Variants in CACNA1D observed in about 807,000 individuals in gnomAD.
CACNA1D encodes calcium voltage-gated channel subunit alpha1 D.
CACNA1D carries 55 observed loss-of-function variants against 257.1 expected under a neutral mutation model. The ratio of observed to expected loss-of-function variants is 0.21; its 90% CI spans 0.17 to 0.27. CACNA1D has a LOEUF of 0.27. CACNA1D is among the 10% of genes least tolerant of loss of function. CACNA1D has a pLI of 1.00. For missense variants in CACNA1D, 1,876 were observed against 2,784.0 expected (o/e 0.67, Z 7.34); for synonymous variants, 980 against 1,014.9 (o/e 0.97, Z 0.65).
intron 3 of CACNA1D, among the ~76,000 whole-genome samples, chr3:53,519,433 C>CT (rs1355682576): frequency 6.6e-6 from 1 of 152,070 alleles, no homozygotes; most frequent in African/African-American, 2.4e-5. Context: ...CTGTGCGAGA[C>CT]GACAAAGACT....
At chr3:53,674,118 TC>T (rs533605896) in intron 8 of CACNA1D, 1 of 500,726 alleles carries the variant, frequency 2.0e-6, no homozygotes, top group South Asian at 2.1e-5. Context: ...AGCCTTGGTC[TC>T]CCCCAGGAAA....
At chr3:53,575,725 G>A (rs193261196) in intron 3 of CACNA1D, among the ~76,000 whole-genome samples, 2 of 152,184 alleles carry the variant, frequency 1.3e-5, no homozygotes, top group East Asian at 1.9e-4. Context: ...TAATGTATTC[G>A]GGTAGATTTT....
chr3:53,602,418 G>A (rs2093455392), intron 3 of CACNA1D, among the ~76,000 whole-genome samples: 1 of 152,136 alleles, frequency 6.6e-6, no homozygotes, highest in African/African-American at 2.4e-5. Context: ...AATAAACATG[G>A]GAATTTAGAT....
At chr3:53,729,750 T>G (rs2094971066) in intron 15 of CACNA1D, among the ~76,000 whole-genome samples, 1 of 152,234 alleles carries the variant, frequency 6.6e-6, no homozygotes, top group Admixed American at 6.5e-5. Flanking sequence ...CAATTTGTCC[T>G]GGGCTGGAGA....
At chr3:53,612,766 C>G (rs914648599) in intron 3 of CACNA1D, among the ~76,000 whole-genome samples, 1 of 152,136 alleles carries the variant, frequency 6.6e-6, no homozygotes, top group East Asian at 1.9e-4. Flanking sequence ...AATGAACCTC[C>G]AGGCAGAAAG....
At chr3:53,505,150 C>T (rs1216732060) in intron 3 of CACNA1D, among the ~76,000 whole-genome samples, 1 of 141,536 alleles carries the variant, frequency 7.1e-6, no homozygotes, top group African/African-American at 2.7e-5. Flanking sequence ...GCTCTGTTGC[C>T]CAGGCTGGAG....
rs1016289022 is a variant in CACNA1D at position 53,723,332 on chromosome 3, G to A, written c.1667-102G>A. On this transcript the variant is annotated intron_variant, in intron 12 of 47. Transcript: ENST00000350061. The surrounding 1 kb of genome is among the most constrained non-coding windows in gnomAD (Gnocchi z 5.6). ...GTGAAGAGAGAGACAAGGTATTGGC[G>A]TATTTCCTGTGGGGCCTGATAGGGA... 2.2e-5 allele frequency: 19 copies of A among 846,348 alleles called. No homozygotes were observed. Among genetic ancestry groups the A allele is most frequent in the Middle Eastern group, 2.4e-4 (1 of 4,144 alleles). The allele number at this position is 846,348 out of a possible 1,614,324, so 52.4% of individuals were successfully genotyped here.
chr3:53,764,252 T>A (rs2095319770), intron 30 of CACNA1D, among the ~76,000 whole-genome samples: 1 of 152,184 alleles, frequency 6.6e-6, no homozygotes, highest in African/African-American at 2.4e-5. Flanking sequence ...GAACAGCAGG[T>A]CCCTAACTGG....
intron 3 of CACNA1D, among the ~76,000 whole-genome samples, chr3:53,586,548 A>G (rs2093221001): frequency 1.3e-5 from 2 of 152,186 alleles, no homozygotes; most frequent in Admixed American, 1.3e-4. Flanking sequence ...CCCATGGTCC[A>G]CAAAAATATT....
chr3:53,732,705 C>A, intron 18 of CACNA1D, 110 bp from the exon 19 acceptor site: 1 of 951,376 alleles, frequency 1.1e-6, no homozygotes, highest in East Asian at 2.4e-5. Context: ...TTCATGTAAG[C>A]AGGTAGATGT....
chr3:53,713,916 A>G (rs60757638), intron 9 of CACNA1D, among the ~76,000 whole-genome samples: 3,305 of 152,218 alleles, frequency 0.022, 116 homozygotes, highest in African/African-American at 0.074. Flanking sequence ...ATCTCAGTGC[A>G]CCACACTGTA....
In CACNA1D at chr3:53,589,904, C is replaced by T. The variant is rs185896603; in HGVS notation, c.484-60875C>T. Among the ~76,000 whole-genome samples, 5 of 152,330 alleles carry T rather than the reference C, an allele frequency of 3.3e-5. No individual in the cohort carries two copies. The East Asian group carries it at 9.6e-4, about 29-fold the overall frequency. The stretch of plus-strand genomic sequence containing the variant: ...CTCATGGTTTGGGTGGCTGTTTCAG[C>T]TCCTGAACCTCTAACTTAGTGTGCT... On this transcript the variant is annotated intron_variant, in intron 3 of 47. Transcript: ENST00000350061.
intron 3 of CACNA1D, among the ~76,000 whole-genome samples, chr3:53,589,148 G>A (rs2093265243): frequency 6.6e-6 from 1 of 152,068 alleles, no homozygotes; most frequent in Admixed American, 6.6e-5. Context: ...TTCATGTCTT[G>A]TATTTCATTA....
In CACNA1D at chr3:53,810,758, CAAAAAAAAAAAA is replaced by C. The variant is rs71074934; in HGVS notation, c.6193-338_6193-327del. Among the ~76,000 whole-genome samples, 848 of 68,308 alleles carry C rather than the reference CAAAAAAAAAAAA, an allele frequency of 0.012. 41 individuals are homozygous for C. In the Admixed American group the frequency reaches 0.13, roughly 10 times the overall value. 44.8% of individuals were successfully genotyped at this position (68,308 alleles called of 152,430 possible). ...GGGCCACAGAGCGAGACTCTTGTCT[CAAAAAAAAAAAA>C]AAAAAAAAAAAAAAAACAAAAACTG... On this transcript the variant is annotated intron_variant, in intron 47 of 47. Transcript: ENST00000350061.
At chr3:53,757,662 C>A (rs1044545913) in intron 29 of CACNA1D, among the ~76,000 whole-genome samples, 1 of 152,224 alleles carries the variant, frequency 6.6e-6, no homozygotes, top group East Asian at 1.9e-4. Context: ...GAAGCACTGG[C>A]CCCTGTATAT....
At chr3:53,580,759 C>T (rs76914681) in intron 3 of CACNA1D, among the ~76,000 whole-genome samples, 1 of 152,148 alleles carries the variant, frequency 6.6e-6, no homozygotes, top group Non-Finnish European at 1.5e-5. Flanking sequence ...TGGGATACAC[C>T]TGTCTTTCTT....
chr3:53,734,418 G>A (rs934676872), intron 19 of CACNA1D, among the ~76,000 whole-genome samples: 2 of 151,542 alleles, frequency 1.3e-5, no homozygotes, highest in Non-Finnish European at 2.9e-5. Context: ...AAATATATGT[G>A]TATACATATA....
chr3:53,663,618 G>A (rs2094228299), intron 5 of CACNA1D, among the ~76,000 whole-genome samples: 1 of 152,096 alleles, frequency 6.6e-6, no homozygotes, highest in African/African-American at 2.4e-5. Flanking sequence ...CTGGCACTGA[G>A]TATGACTCCA....
chr3:53,760,839 T>C (rs1222490854), intron 29 of CACNA1D, among the ~76,000 whole-genome samples: 1 of 152,210 alleles, frequency 6.6e-6, no homozygotes, highest in Non-Finnish European at 1.5e-5. Flanking sequence ...ACATTGCCCA[T>C]GTCAAGCACT....
Sources: allele counts gnomAD v4.1 joint callset (sites outside exome capture counted in the v4.1 genomes callset), GRCh38; gene constraint gnomAD v4.1.1; non-coding constraint Gnocchi (gnomAD v3.1); transcripts MANE v1.5; gene names NCBI Gene and HGNC (gene_info 2026-07-23, HGNC 2026-07-21).